The following CNGA3 variants were observed in gnomAD, a reference collection of about 807,000 sequenced individuals.
CNGA3 encodes cyclic nucleotide-gated channel alpha-3.
In CNGA3, 42 loss-of-function variants were observed where a neutral mutation model predicts 46.6. That is an observed-to-expected ratio of 0.90 (90% CI 0.70 to 1.17). The LOEUF is 1.17. CNGA3 is among the 50% of genes most tolerant of loss of function. The pLI, the probability that CNGA3 is intolerant of heterozygous loss-of-function variation, is 0.00. For synonymous variants in CNGA3, 394 were observed against 369.4 expected (o/e 1.07, Z -0.76); for missense variants, 893 against 890.7 (o/e 1.00, Z -0.03).
chr2:98,352,731 T>C (rs1324283210), intron 1 of CNGA3, among the ~76,000 whole-genome samples: 1 of 152,094 alleles, frequency 6.6e-6, no homozygotes, highest in Non-Finnish European at 1.5e-5. Context: ...TAGGATAAAA[T>C]GTAGAAGAAA....
chr2:98,390,660 C>A (rs959107309), intron 6 of CNGA3, among the ~76,000 whole-genome samples: 2 of 151,998 alleles, frequency 1.3e-5, no homozygotes, highest in Admixed American at 1.3e-4. Context: ...TGGGGGCTGG[C>A]GGGGACTTTG....
At chr2:98,354,220 T>G (rs957995940) in intron 1 of CNGA3, among the ~76,000 whole-genome samples, 2 of 152,230 alleles carry the variant, frequency 1.3e-5, no homozygotes, top group African/African-American at 4.8e-5. Context: ...GTATTGTTAT[T>G]CTTTATTGTT....
intron 7 of CNGA3, among the ~76,000 whole-genome samples, chr2:98,394,072 A>C (rs1574389000): frequency 6.6e-6 from 1 of 151,806 alleles, no homozygotes; most frequent in Non-Finnish European, 1.5e-5. Context: ...CTTGCCCCCA[A>C]CTTCCGGGAG....
intron 5 of CNGA3, among the ~76,000 whole-genome samples, chr2:98,384,179 C>T (rs756499811): frequency 3.3e-5 from 5 of 152,166 alleles, no homozygotes; most frequent in African/African-American, 7.2e-5. Flanking sequence ...TGAGCCACTG[C>T]GCCTCGCCTG....
chr2:98,386,836 G>A (rs1330208244), intron 5 of CNGA3, among the ~76,000 whole-genome samples: 1 of 152,148 alleles, frequency 6.6e-6, no homozygotes, highest in Non-Finnish European at 1.5e-5. Flanking sequence ...GCAGCCAGCA[G>A]GGAAACAGGG....
intron 4 of CNGA3, 84 bp from the exon 5 acceptor site, chr2:98,383,304 G>A: frequency 7.9e-7 from 1 of 1,270,146 alleles, no homozygotes; most frequent in Admixed American, 1.7e-5. Flanking sequence ...ATTGGGGGGT[G>A]GGGCATGGTA....
intron 2 of CNGA3, among the ~76,000 whole-genome samples, chr2:98,376,137 C>T (rs989899057): frequency 2.6e-5 from 4 of 152,140 alleles, no homozygotes; most frequent in African/African-American, 9.7e-5. Context: ...ATTGCGCATA[C>T]ACAAGCCGGG....
At position 98,391,848 on chromosome 2, in the gene CNGA3, C is replaced by T; in HGVS notation, c.567-16C>T. 1 of 1,612,768 alleles carries T rather than the reference C, an allele frequency of 6.2e-7. No homozygotes were observed. Among genetic ancestry groups the T allele is most frequent in the Non-Finnish European group, 8.5e-7 (1 of 1,178,760 alleles). ...AACACACGCACAGCCATCCATCTCCCACATGGCTTCTTTAGGGCCTGTTTC... is the reference window on the plus strand; with the variant it reads ...AACACACGCACAGCCATCCATCTCCTACATGGCTTCTTTAGGGCCTGTTTC... On this transcript the variant is annotated splice_polypyrimidine_tract_variant and intron_variant, in intron 6 of 7. Transcript: ENST00000272602.
At chr2:98,392,174 C>T (rs765333506) in intron 7 of CNGA3, among the ~76,000 whole-genome samples, 1 of 152,222 alleles carries the variant, frequency 6.6e-6, no homozygotes, top group Non-Finnish European at 1.5e-5. Flanking sequence ...GGGGCCAGGA[C>T]ACCTAAGCTC....
chr2:98,365,085 T>A (rs2104160058), intron 1 of CNGA3, among the ~76,000 whole-genome samples: 1 of 151,906 alleles, frequency 6.6e-6, no homozygotes, highest in East Asian at 1.9e-4. Context: ...TCACCCAGGC[T>A]GAAGTGCAGT....
intron 1 of CNGA3, among the ~76,000 whole-genome samples, chr2:98,361,639 C>T (rs1692035036): frequency 6.6e-6 from 1 of 152,002 alleles, no homozygotes; most frequent in African/African-American, 2.4e-5. Context: ...AACTTACACT[C>T]CCACCAACAG....
chr2:98,363,481 T>A (rs1318604429), intron 1 of CNGA3, among the ~76,000 whole-genome samples: 1 of 152,194 alleles, frequency 6.6e-6, no homozygotes, highest in Non-Finnish European at 1.5e-5. Context: ...GCTTGTGACT[T>A]TTGTATCCTG....
At chr2:98,395,119 C>T (rs748330911) in intron 7 of CNGA3, among the ~76,000 whole-genome samples, 9 of 152,094 alleles carry the variant, frequency 5.9e-5, no homozygotes, top group African/African-American at 9.7e-5. Context: ...CTAGGTGTAC[C>T]TTCAACCTTG....
chr2:98,371,064 A>G (rs1692275320), intron 2 of CNGA3, among the ~76,000 whole-genome samples: 2 of 152,148 alleles, frequency 1.3e-5, no homozygotes, highest in South Asian at 4.2e-4. Context: ...ACCTCAGGTG[A>G]TCCACCTGCC....
intron 5 of CNGA3, among the ~76,000 whole-genome samples, chr2:98,385,574 T>C (rs893819000): frequency 4.1e-4 from 62 of 152,060 alleles, no homozygotes; most frequent in African/African-American, 1.5e-3. Context: ...CTTAGATTGA[T>C]ACAATATATT....
chr2:98,349,144 TG>T (rs1691715051), intron 1 of CNGA3, among the ~76,000 whole-genome samples: 1 of 151,494 alleles, frequency 6.6e-6, no homozygotes, highest in Non-Finnish European at 1.5e-5. Flanking sequence ...TCCTGCATCA[TG>T]GGGGGAGTCC....
chr2:98,390,746 A>G (rs1692765205), intron 6 of CNGA3, among the ~76,000 whole-genome samples: 1 of 152,068 alleles, frequency 6.6e-6, no homozygotes, highest in African/African-American at 2.4e-5. Flanking sequence ...CTCTCTAGGT[A>G]AGCATGGGGT....
At chr2:98,378,010 T>C (rs980153999) in intron 3 of CNGA3, 3 of 1,536,152 alleles carry the variant, frequency 2.0e-6, no homozygotes, top group Non-Finnish European at 2.6e-6. Flanking sequence ...GAAAACTGCC[T>C]TTATCTGAAA....
intron 1 of CNGA3, among the ~76,000 whole-genome samples, chr2:98,362,274 G>C (rs1268066456): frequency 6.8e-6 from 1 of 147,246 alleles, no homozygotes; most frequent in South Asian, 2.2e-4. Flanking sequence ...CTGCCTCCCG[G>C]GTTCAAGTGA....
Sources: allele counts gnomAD v4.1 joint callset (sites outside exome capture counted in the v4.1 genomes callset), GRCh38; gene constraint gnomAD v4.1.1; transcripts MANE v1.5; gene names NCBI Gene and HGNC (gene_info 2026-07-23, HGNC 2026-07-21).